The following COL5A2 variants were observed in gnomAD, a reference collection of about 807,000 sequenced individuals.
COL5A2 encodes collagen alpha-2(V) chain.
Under a neutral mutation model 208.2 loss-of-function variants are expected in COL5A2, and 23 were observed. That is an observed-to-expected ratio of 0.11 (90% CI 0.08 to 0.16). The LOEUF (loss-of-function observed/expected upper bound fraction) is 0.16. Among genes scored for constraint, COL5A2 ranks in the 10% least tolerant of loss-of-function variants. The pLI, the probability that COL5A2 is intolerant of heterozygous loss-of-function variation, is 1.00. For synonymous variants in COL5A2, 625 were observed against 628.5 expected (o/e 0.99, Z 0.08); for missense variants, 1,590 against 1,956.4 (o/e 0.81, Z 3.53).
At chr2:189,070,962 T>A (rs1316622624) in intron 18 of COL5A2, among the ~76,000 whole-genome samples, 1 of 152,228 alleles carries the variant, frequency 6.6e-6, no homozygotes, top group Non-Finnish European at 1.5e-5. Context: ...TGTTTGAATA[T>A]GTCATTAGAG....
At chr2:189,172,102 G>C (rs1177001203) in intron 1 of COL5A2, among the ~76,000 whole-genome samples, 1 of 152,116 alleles carries the variant, frequency 6.6e-6, no homozygotes, top group Non-Finnish European at 1.5e-5. Flanking sequence ...GCCAAGTGAG[G>C]GCATAGGAGG....
chr2:189,047,487 A>T (rs913453901), intron 45 of COL5A2, among the ~76,000 whole-genome samples: 1 of 152,190 alleles, frequency 6.6e-6, no homozygotes, highest in African/African-American at 2.4e-5. Context: ...CAAATGCCCA[A>T]TGGCATATGT....
rs547495430 is a variant in COL5A2 at position 189,186,734 on chromosome 2, T to G, written c.-42+38414A>C. Among the ~76,000 whole-genome samples, 95 of 152,338 alleles carry G rather than the reference T, an allele frequency of 6.2e-4. 1 individual carries two copies. The highest frequency in any genetic ancestry group is 1.2e-3 in the Non-Finnish European group (85 of 68,032). ...ACAATATTGGGAGACTCACTCAAAA[T>G]GTCATTATAATAATATCATTTCAAG... On this transcript the variant is annotated intron_variant, in intron 1 of 10. Transcript: ENST00000649966.
At chr2:189,415,377 T>C in the COL5A2 span, among the ~76,000 whole-genome samples, 1 of 152,218 alleles carries the variant, frequency 6.6e-6, no homozygotes, top group East Asian at 1.9e-4. Flanking sequence ...GCAGGATGTA[T>C]GCTATTATCC....
At chr2:189,158,686 T>C (rs2105798996) in intron 1 of COL5A2, among the ~76,000 whole-genome samples, 1 of 152,166 alleles carries the variant, frequency 6.6e-6, no homozygotes, top group South Asian at 2.1e-4. Flanking sequence ...GAACTGTCAA[T>C]CTCTTCTAAG....
chr2:189,042,839 A>G (rs77078484), intron 48 of COL5A2, 66 bp from the exon 49 acceptor site: 28,581 of 1,460,704 alleles, frequency 0.02, 320 homozygotes, highest in Middle Eastern at 0.056. Flanking sequence ...CATTCTCAAA[A>G]ATGTGCTATC....
chr2:189,383,057 C>A, the COL5A2 span, among the ~76,000 whole-genome samples: 1 of 152,116 alleles, frequency 6.6e-6, no homozygotes, highest in Non-Finnish European at 1.5e-5. Flanking sequence ...AGCCATTTAA[C>A]CAAATTCTCT....
At chr2:189,308,462 T>C in the COL5A2 span, among the ~76,000 whole-genome samples, 2 of 147,434 alleles carry the variant, frequency 1.4e-5, no homozygotes, top group African/African-American at 4.9e-5. Flanking sequence ...TATTTTGAAA[T>C]GGCCCTGCAA....
chr2:189,100,300 G>A (rs536630373), intron 3 of COL5A2, among the ~76,000 whole-genome samples, 161 bp from the exon 4 acceptor site: 1 of 152,124 alleles, frequency 6.6e-6, no homozygotes, highest in African/African-American at 2.4e-5. Flanking sequence ...AGGATATTTA[G>A]TCAGATATTA....
Position 189,044,380 on chromosome 2 carries a change from C to G in COL5A2, c.3363+799G>C, listed in dbSNP as rs148239790. 1.8e-3 allele frequency among the ~76,000 whole-genome samples: 271 copies of G among 152,030 alleles called. 2 individuals are homozygous for G. Among genetic ancestry groups the G allele is most frequent in the African/African-American group, 6.3e-3 (262 of 41,480 alleles). On this transcript the variant is annotated intron_variant, in intron 47 of 53. Coordinates refer to ENST00000374866, the MANE Select transcript of COL5A2 (RefSeq NM_000393.5). Reference sequence around the variant, plus strand: ...TCAGCCTGAAGTTTTTCATAATGTTCGAAAGGTTCTTTTATTTGGGGGATG... The same window carrying G: ...TCAGCCTGAAGTTTTTCATAATGTTGGAAAGGTTCTTTTATTTGGGGGATG...
chr2:189,159,270 T>C (rs982885131), intron 1 of COL5A2, among the ~76,000 whole-genome samples: 3 of 152,226 alleles, frequency 2.0e-5, no homozygotes, highest in African/African-American at 4.8e-5. Context: ...TATATACCCA[T>C]TGGTTCTCTT....
chr2:189,427,334 G>A, the COL5A2 span, among the ~76,000 whole-genome samples: 20 of 152,164 alleles, frequency 1.3e-4, no homozygotes, highest in African/African-American at 4.3e-4. Context: ...AAGAGTTGAG[G>A]CTTGGGAGCC....
At chr2:189,090,337 T>G (rs905807093) in intron 7 of COL5A2, among the ~76,000 whole-genome samples, 2 of 152,230 alleles carry the variant, frequency 1.3e-5, no homozygotes, top group East Asian at 3.9e-4. Flanking sequence ...AGAAGAAAAG[T>G]TGGAAGCTAG....
the COL5A2 span, among the ~76,000 whole-genome samples, chr2:189,284,413 A>G: frequency 6.6e-6 from 1 of 152,166 alleles, no homozygotes; most frequent in Admixed American, 6.6e-5. Context: ...GCCTCAGGAA[A>G]CTTACAATCA....
the COL5A2 span, among the ~76,000 whole-genome samples, chr2:189,268,742 A>G: frequency 6.6e-6 from 1 of 152,184 alleles, no homozygotes; most frequent in African/African-American, 2.4e-5. Context: ...ATTAGTGTCT[A>G]TTTTGTAACA....
At chr2:189,322,925 A>G in the COL5A2 span, among the ~76,000 whole-genome samples, 1 of 152,252 alleles carries the variant, frequency 6.6e-6, no homozygotes. Context: ...AAAATCCTCA[A>G]TAAAATAGTG....
chr2:189,080,480 C>T (rs1022036109), intron 13 of COL5A2, among the ~76,000 whole-genome samples: 6 of 151,828 alleles, frequency 4.0e-5, no homozygotes, highest in Admixed American at 6.6e-5. Flanking sequence ...TTGAATATCA[C>T]TATTTGATAT....
intron 1 of COL5A2, among the ~76,000 whole-genome samples, chr2:189,161,299 T>C (rs534431911): frequency 1.0e-3 from 153 of 152,126 alleles, no homozygotes; most frequent in African/African-American, 3.6e-3. Context: ...TTAGACAGCA[T>C]TATAGTTATT....
the COL5A2 span, among the ~76,000 whole-genome samples, chr2:189,387,482 G>A: frequency 2.6e-5 from 4 of 151,902 alleles, no homozygotes; most frequent in Non-Finnish European, 5.9e-5. Flanking sequence ...TTTAAAAAGG[G>A]AAAAAAAGAA....
Sources: allele counts gnomAD v4.1 joint callset (sites outside exome capture counted in the v4.1 genomes callset), GRCh38; gene constraint gnomAD v4.1.1; transcripts MANE v1.5; gene names NCBI Gene and HGNC (gene_info 2026-07-23, HGNC 2026-07-21).